Variants in ZMAT3 observed in about 807,000 individuals in gnomAD.
ZMAT3 encodes the protein zinc finger matrin-type 3.
A neutral mutation model predicts 32.3 loss-of-function variants in ZMAT3; 17 were observed. The ratio of observed to expected loss-of-function variants is 0.53; its 90% CI spans 0.36 to 0.79. ZMAT3 has a LOEUF of 0.79. ZMAT3 is among the 30% of genes least tolerant of loss of function. The pLI is 0.00. For missense variants in ZMAT3, 329 were observed against 359.7 expected (o/e 0.91, Z 0.69); for synonymous variants, 120 against 133.1 (o/e 0.90, Z 0.68).
rs1718507343 is a variant in ZMAT3 at position 179,020,829 on chromosome 3, C to T, written c.*4188G>A. 6.6e-6 allele frequency: 1 copy of T among 152,182 alleles called. No homozygotes were observed. Among genetic ancestry groups the T allele is most frequent in the Non-Finnish European group, 1.5e-5 (1 of 68,048 alleles). 9.4% of individuals were successfully genotyped at this position (152,182 alleles called of 1,614,324 possible). A position where few individuals can be genotyped will look rare whatever the true frequency, so the allele number is the denominator to read the frequency against. On this transcript the variant is annotated 3_prime_UTR_variant, in exon 6 of 6. Transcript: ENST00000311417. ...CCTCAAACTGTTGTTGCTTGCTGTCCCAGCCAATTCAAGAGTGAAGGAAGA... is the reference window on the plus strand; with the variant it reads ...CCTCAAACTGTTGTTGCTTGCTGTCTCAGCCAATTCAAGAGTGAAGGAAGA...
rs114556681 is a variant in ZMAT3, at chr3:179,057,507, T to C, written c.270+9976A>G. Among the ~76,000 whole-genome samples the C allele has an allele frequency of 4.7e-3, 719 of 152,322 alleles. 4 individuals are homozygous for C. The highest frequency in any genetic ancestry group is 0.016 in the African/African-American group (665 of 41,564). Reference sequence around the variant, plus strand: ...GGCATTAGCCCAAGACTTGAGCCAATTCTCATAATACCTGGACACTCCTGT... The same window carrying C: ...GGCATTAGCCCAAGACTTGAGCCAACTCTCATAATACCTGGACACTCCTGT... On this transcript the variant is annotated intron_variant, in intron 2 of 5. Transcript: ENST00000311417.
intron 5 of ZMAT3, 136 bp from the exon 6 acceptor site, chr3:179,025,364 G>T (rs1431805900): frequency 2.7e-6 from 2 of 737,208 alleles, no homozygotes; most frequent in African/African-American, 1.8e-5. Context: ...TGAATGTGAA[G>T]TTAATGGATT....
rs893799384 is a variant in ZMAT3, at chr3:179,018,805, A to G, written c.*6212T>C. On this transcript the variant is annotated 3_prime_UTR_variant, in exon 6 of 6. Transcript: ENST00000311417. ...AATCATTTTTAATTCTGCTAATTAT[A>G]GCTGGAGGAAGTGTGGATAATTACA... The G allele has an allele frequency of 6.6e-6, 1 of 152,214 alleles. No individual in the cohort carries two copies. The highest frequency in any genetic ancestry group is 2.4e-5 in the African/African-American group (1 of 41,466). 9.4% of individuals were successfully genotyped at this position (152,214 alleles called of 1,614,324 possible).
In ZMAT3 at chr3:179,017,420, G is replaced by A. The variant is rs1718329787; in HGVS notation, c.*7597C>T. 1 of 152,116 alleles carries A rather than the reference G, an allele frequency of 6.6e-6. No homozygotes were observed. Among genetic ancestry groups the A allele is most frequent in the Non-Finnish European group, 1.5e-5 (1 of 68,022 alleles). The allele number at this position is 152,116 out of a possible 1,614,324, so 9.4% of individuals were successfully genotyped here. A position where few individuals can be genotyped will look rare whatever the true frequency, so the allele number is the denominator to read the frequency against. The stretch of plus-strand genomic sequence containing the variant: ...TGCTAAAGAAAATAAAACCGAAAGA[G>A]TAGTTTCAATTTCACAATTCACAGT... On this transcript the variant is annotated 3_prime_UTR_variant, in exon 6 of 6. Coordinates refer to ENST00000311417, the MANE Select transcript of ZMAT3 (RefSeq NM_022470.4).
At chr3:179,044,519 T>C (rs1720123125) in intron 2 of ZMAT3, among the ~76,000 whole-genome samples, 1 of 152,038 alleles carries the variant, frequency 6.6e-6, no homozygotes, top group Non-Finnish European at 1.5e-5. Flanking sequence ...TTGCAGGTGC[T>C]TGTAGTCCCA....
chr3:179,045,716 C>A (rs1020582193), intron 2 of ZMAT3, among the ~76,000 whole-genome samples: 3 of 152,138 alleles, frequency 2.0e-5, no homozygotes, highest in Non-Finnish European at 4.4e-5. Flanking sequence ...GGAAGAGATA[C>A]ATGGGGACTT....
At chr3:179,041,157 A>G (rs1719903438) in intron 2 of ZMAT3, among the ~76,000 whole-genome samples, 1 of 152,180 alleles carries the variant, frequency 6.6e-6, no homozygotes, top group Non-Finnish European at 1.5e-5. Flanking sequence ...CCCACTGTCA[A>G]TATTAGACAG....
chr3:179,045,603 G>A (rs888933350), intron 2 of ZMAT3, among the ~76,000 whole-genome samples: 22 of 152,116 alleles, frequency 1.4e-4, no homozygotes, highest in Non-Finnish European at 2.1e-4. Flanking sequence ...ACTTATATAA[G>A]GGAACATATA....
At chr3:179,032,116 C>T (rs1366871072) in intron 2 of ZMAT3, among the ~76,000 whole-genome samples, 2 of 148,428 alleles carry the variant, frequency 1.3e-5, no homozygotes, top group African/African-American at 2.5e-5. Context: ...GATTCTCCTG[C>T]CTCAGCCTGC....
At chr3:179,054,020 T>C (rs1720707197) in intron 2 of ZMAT3, among the ~76,000 whole-genome samples, 1 of 152,228 alleles carries the variant, frequency 6.6e-6, no homozygotes. Context: ...TTATGTAAAA[T>C]GTTAATGTTT....
chr3:179,052,562 A>T (rs75444751), intron 2 of ZMAT3, among the ~76,000 whole-genome samples: 4,562 of 152,300 alleles, frequency 0.03, 245 homozygotes, highest in African/African-American at 0.1. Flanking sequence ...GTAAAATAGT[A>T]CAACCACCAT....
In ZMAT3 at chr3:179,065,420, AC is replaced by A. The variant is rs527637718; in HGVS notation, c.270+2062del. 3.3e-5 allele frequency among the ~76,000 whole-genome samples: 5 copies of A among 152,234 alleles called. No homozygotes were observed. In the South Asian group the frequency reaches 1.0e-3, roughly 31 times the overall value. ...CAAAAATGTAAAATAAAAGAAAAAA[AC>A]AAATGTTGATTCTGCTTATCTAGTT... is the stretch of plus-strand genomic sequence containing the variant. On this transcript the variant is annotated intron_variant, in intron 2 of 5. Transcript: ENST00000311417.
At chr3:179,053,445 G>A (rs1374311985) in intron 2 of ZMAT3, among the ~76,000 whole-genome samples, 2 of 152,078 alleles carry the variant, frequency 1.3e-5, no homozygotes, top group Non-Finnish European at 2.9e-5. Flanking sequence ...ATCACCATTT[G>A]GCAAATGCCA....
At chr3:179,031,113 AC>A in intron 2 of ZMAT3, 114 bp from the exon 3 acceptor site, 2 of 823,652 alleles carry the variant, frequency 2.4e-6, no homozygotes, top group East Asian at 3.0e-5. Context: ...TGAGAGAGAG[AC>A]CACATTCACA....
rs1399294629 is a variant in ZMAT3 at position 179,025,205 on chromosome 3, A to G, written c.682T>C (p.Ser228Pro). 2 of 1,613,962 alleles carry G rather than the reference A, an allele frequency of 1.2e-6. No individual in the cohort carries two copies. The highest frequency in any genetic ancestry group is 2.7e-5 in the African/African-American group (2 of 74,916). Residue 228 changes from serine (S) to proline (P), a missense_variant, in exon 6 of 6, where the codon TCT becomes CCT. Ser to Pro is a moderately conservative substitution (Grantham distance 74, BLOSUM62 -1). Coordinates refer to ENST00000311417, the MANE Select transcript of ZMAT3 (RefSeq NM_022470.4). ...NSAGPYFNPRSRQRIPRDLAM... is the reference protein window; with the variant it reads ...NSAGPYFNPRPRQRIPRDLAM... ...AGATCACGTGGAATTCTCTGCCGAGAGCGGGGATTGAAGTAAGGACCTGCT... is the reference window on the plus strand; with the variant it reads ...AGATCACGTGGAATTCTCTGCCGAGGGCGGGGATTGAAGTAAGGACCTGCT...
chr3:179,042,679 T>C (rs113776850), intron 2 of ZMAT3, among the ~76,000 whole-genome samples: 8,712 of 152,224 alleles, frequency 0.057, 364 homozygotes, highest in East Asian at 0.23. Flanking sequence ...AAGGATGCCC[T>C]CTCTCACCAC....
intron 2 of ZMAT3, among the ~76,000 whole-genome samples, chr3:179,034,049 C>G (rs1342372078): frequency 3.3e-5 from 5 of 152,184 alleles, no homozygotes; most frequent in African/African-American, 1.2e-4. Context: ...TGAACTGACA[C>G]AAACTAGTGG....
At chr3:179,068,436 G>A (rs937855937) in intron 1 of ZMAT3, among the ~76,000 whole-genome samples, 19 of 152,090 alleles carry the variant, frequency 1.2e-4, no homozygotes, top group African/African-American at 3.1e-4. Flanking sequence ...CGCTTGAACC[G>A]GGGAGGCAGA....
At chr3:179,071,987 T>G (rs1321800430), upstream of ZMAT3, 1 of 152,340 alleles carries the variant, frequency 6.6e-6, no homozygotes, top group Non-Finnish European at 1.5e-5. Context: ...GGGCGCGGGG[T>G]TAGGCCGGCG....
Sources: allele counts gnomAD v4.1 joint callset (sites outside exome capture counted in the v4.1 genomes callset), GRCh38; gene constraint gnomAD v4.1.1; transcripts MANE v1.5; gene names NCBI Gene and HGNC (gene_info 2026-07-23, HGNC 2026-07-21).